Variants in SERPINC1 observed in about 807,000 individuals in gnomAD.
SERPINC1 encodes serpin family C member 1.
A neutral mutation model predicts 43.4 loss-of-function variants in SERPINC1; 12 were observed. The ratio of observed to expected loss-of-function variants is 0.28; its 90% CI spans 0.18 to 0.45. The LOEUF (loss-of-function observed/expected upper bound fraction) is 0.45, where lower values mean the gene tolerates loss of function less well. Ranked by LOEUF, SERPINC1 falls within the 20% of genes least tolerant of loss-of-function variation. The probability of loss-of-function intolerance (pLI) is 1.00; values close to 1 mark genes in which losing one functional copy is unlikely to be tolerated. For synonymous variants in SERPINC1, 210 were observed against 218.9 expected, an observed-to-expected ratio of 0.96 and a Z score of 0.36; for missense variants, 423 against 578.8, an observed-to-expected ratio of 0.73 and a Z score of 2.76.
At chr1:173,912,350 C>T (rs1026452782) in intron 2 of SERPINC1, among the ~76,000 whole-genome samples, 1 of 152,168 alleles carries the variant, frequency 6.6e-6, no homozygotes, top group Non-Finnish European at 1.5e-5. Flanking sequence ...AGGACGGTGT[C>T]CTTCTCGTAA....
chr1:173,909,529 A>C (rs1430439359), intron 5 of SERPINC1, 23 bp downstream of exon 5: 1 of 1,612,444 alleles, frequency 6.2e-7, no homozygotes, highest in Non-Finnish European at 8.5e-7. Flanking sequence ...TGGAGAAGGG[A>C]GGAAACTCCT....
intron 2 of SERPINC1, 83 bp from the exon 3 acceptor site, chr1:173,912,097 T>C (rs1248664182): frequency 2.1e-6 from 2 of 945,954 alleles, no homozygotes; most frequent in Non-Finnish European, 3.5e-6. Flanking sequence ...GGTCAGTCTC[T>C]GACTAATAGC....
intron 1 of SERPINC1, among the ~76,000 whole-genome samples, chr1:173,915,414 G>A (rs562879655): frequency 3.3e-5 from 5 of 152,260 alleles, no homozygotes; most frequent in South Asian, 2.1e-4. Flanking sequence ...GGTGGCTCAC[G>A]CCTGTAATCC....
At chr1:173,916,304 TCTC>T (rs1207551055) in intron 1 of SERPINC1, among the ~76,000 whole-genome samples, 3 of 152,136 alleles carry the variant, frequency 2.0e-5, no homozygotes. Flanking sequence ...CTTCCCATCT[TCTC>T]CTGGGAGAGA....
chr1:173,912,025 CAA>C lies in SERPINC1; in HGVS notation c.409-13_409-12del. On this transcript the variant is annotated splice_polypyrimidine_tract_variant and intron_variant, in intron 2 of 6. Transcript: ENST00000367698. The stretch of plus-strand genomic sequence containing the variant: ...GTCAAACTTAAATACCTATAGAAGT[CAA>C]AAAAAAATGGTGGTGGGTTTGGTGG... 2.6e-6 allele frequency: 4 copies of C among 1,565,012 alleles called. No individual in the cohort carries two copies. Among genetic ancestry groups the C allele is most frequent in the Non-Finnish European group, 2.6e-6 (3 of 1,143,528 alleles).
intron 6 of SERPINC1, among the ~76,000 whole-genome samples, chr1:173,904,290 T>A (rs1000332785): frequency 7.2e-5 from 11 of 152,200 alleles, no homozygotes; most frequent in African/African-American, 2.7e-4. Flanking sequence ...GTAATAAGTG[T>A]AAGAGTTCCA....
In SERPINC1 at chr1:173,910,059, CG is replaced by C. The variant is rs1391928455; in HGVS notation, c.763-118del. 4.0e-6 allele frequency: 4 copies of C among 1,010,338 alleles called. No homozygotes were observed. In the Admixed American group the frequency reaches 6.0e-5, roughly 15 times the overall value. The allele number at this position is 1,010,338 out of a possible 1,614,324, so 62.6% of individuals were successfully genotyped here. ...TATAATTATTCGGAAAAAAGACTGG[CG>C]GGATATGCACAAAAAGGTTAACAAT... is the stretch of plus-strand genomic sequence containing the variant. On this transcript the variant is annotated intron_variant, in intron 4 of 6. Coordinates refer to ENST00000367698, the MANE Select transcript of SERPINC1 (RefSeq NM_000488.4).
At chr1:173,904,317 A>G (rs994449150) in intron 6 of SERPINC1, among the ~76,000 whole-genome samples, 2 of 152,176 alleles carry the variant, frequency 1.3e-5, no homozygotes, top group Admixed American at 6.5e-5. Context: ...TAACCCAGAA[A>G]TCTGAATGTA....
rs538671325 is a variant in SERPINC1, at chr1:173,911,735, C to T, written c.624+64G>A. On this transcript the variant is annotated intron_variant, in intron 3 of 6. Coordinates refer to ENST00000367698, the MANE Select transcript of SERPINC1 (RefSeq NM_000488.4). Reference sequence around the variant, plus strand: ...AGTGTGAATTTGGATGCTGTTTCTCCACCTCCTCAATCTCTGAGTGGAGAG... The same window carrying T: ...AGTGTGAATTTGGATGCTGTTTCTCTACCTCCTCAATCTCTGAGTGGAGAG... 1.0e-4 allele frequency: 134 copies of T among 1,316,730 alleles called. No homozygotes were observed. The African/African-American group carries it at 1.8e-3, about 18-fold the overall frequency. 81.6% of individuals were successfully genotyped at this position (1,316,730 alleles called of 1,614,324 possible). A position where few individuals can be genotyped will look rare whatever the true frequency, so the allele number is the denominator to read the frequency against.
chr1:173,909,985 G>T, intron 4 of SERPINC1, 43 bp from the exon 5 acceptor site: 1 of 1,596,858 alleles, frequency 6.3e-7, no homozygotes, highest in Non-Finnish European at 8.6e-7. Flanking sequence ...ATTCATAGGA[G>T]GATAGTTATT....
At position 173,905,479 on chromosome 1, in the gene SERPINC1, G is replaced by A. The variant is rs966683733; in HGVS notation, c.1219-1414C>T. Among the ~76,000 whole-genome samples, 5 of 152,116 alleles carry A rather than the reference G, an allele frequency of 3.3e-5. No homozygotes were observed. The South Asian group carries it at 1.0e-3, about 31-fold the overall frequency. ...TCATGCCTGTAATCCCAGCACTTTG[G>A]GAGGCCGAGTCAGGTGGATCACTTA... On this transcript the variant is annotated intron_variant, in intron 6 of 6. Transcript: ENST00000367698.
chr1:173,907,431 G>C lies in SERPINC1; in HGVS notation c.1218+19C>G, dbSNP rs764313616. ...CATCTCCTTTCTGTACCCTAAGAGA[G>C]TGGGGAAGGTGTACTCACCTCAAGA... On this transcript the variant is annotated intron_variant, in intron 6 of 6. Transcript: ENST00000367698. 4.4e-6 allele frequency: 7 copies of C among 1,581,790 alleles called. No individual in the cohort carries two copies. Among genetic ancestry groups the C allele is most frequent in the Non-Finnish European group, 6.1e-6 (7 of 1,150,522 alleles).
chr1:173,904,108 C>A, intron 6 of SERPINC1, 43 bp from the exon 7 acceptor site: 1 of 1,596,974 alleles, frequency 6.3e-7, no homozygotes, highest in South Asian at 1.1e-5. Flanking sequence ...GCCACTCTGC[C>A]GTTCATTTTT....
chr1:173,906,454 G>A (rs768621314), intron 6 of SERPINC1, among the ~76,000 whole-genome samples: 61 of 152,164 alleles, frequency 4.0e-4, no homozygotes, highest in Non-Finnish European at 2.5e-4. Context: ...GCATTTATTT[G>A]ACCACCTTTT....
rs1657710482 is a variant in SERPINC1 at position 173,910,220 on chromosome 1, TAAG to T, written c.763-281_763-279del. ...GACCAAATGTAATGCTATTCCATGC[TAAG>T]AAGAAATGAGTGACAAAGCCACGAA... On this transcript the variant is annotated intron_variant, in intron 4 of 6. Transcript: ENST00000367698. Among the ~76,000 whole-genome samples the T allele has an allele frequency of 3.3e-5, 5 of 152,204 alleles. No homozygotes were observed. The South Asian group carries it at 8.3e-4, about 25-fold the overall frequency.
At position 173,914,581 on chromosome 1, in the gene SERPINC1, C is replaced by T. The variant is rs1657908172; in HGVS notation, c.380G>A (p.Cys127Tyr). The T allele has an allele frequency of 6.2e-7, 1 of 1,614,040 alleles. No homozygotes were observed. The highest frequency in any genetic ancestry group is 8.5e-7 in the Non-Finnish European group (1 of 1,180,042). ...CATCAGTTGCTGGAGGGTGTCATTACAGGCACCCAGCTTGGTCATAGCAAA... is the reference window on the plus strand; with the variant it reads ...CATCAGTTGCTGGAGGGTGTCATTATAGGCACCCAGCTTGGTCATAGCAAA... ...TAFAMTKLGACNDTLQQLMEV... is the reference protein window; with the variant it reads ...TAFAMTKLGAYNDTLQQLMEV... Residue 127 changes from cysteine (C) to tyrosine (Y), a missense_variant, in exon 2 of 7, where the codon TGT becomes TAT. Transcript: ENST00000367698.
In SERPINC1 at chr1:173,916,716, A is replaced by AGT. The variant is rs557242809; in HGVS notation, c.41+501_41+502dup. Among the ~76,000 whole-genome samples the AGT allele has an allele frequency of 2.9e-3, 436 of 151,956 alleles. 1 individual carries two copies. Among genetic ancestry groups the AGT allele is most frequent in the African/African-American group, 9.7e-3 (402 of 41,478 alleles). On this transcript the variant is annotated intron_variant, in intron 1 of 6. Transcript: ENST00000367698. Reference sequence around the variant, plus strand: ...CTGTGACAACTCAGATGAAGAAGGGAGTGTGTGTGGCATTGAGGGAGGGAC... The same window carrying AGT: ...CTGTGACAACTCAGATGAAGAAGGGAGTGTGTGTGTGGCATTGAGGGAGGGAC...
At position 173,906,673 on chromosome 1, in the gene SERPINC1, G is replaced by A. The variant is rs374256345; in HGVS notation, c.1218+777C>T. On this transcript the variant is annotated intron_variant, in intron 6 of 6. Coordinates refer to ENST00000367698, the MANE Select transcript of SERPINC1 (RefSeq NM_000488.4). ...TTTTAAGATTTTTTTGGTAGAGACA[G>A]GGTCTCACTATGTTGCTCAGGCTGG... Among the ~76,000 whole-genome samples the A allele has an allele frequency of 2.7e-4, 41 of 151,526 alleles. No individual in the cohort carries two copies. In the Middle Eastern group the frequency reaches 0.01, roughly 38 times the overall value.
rs369828221 is a variant in SERPINC1 at position 173,914,902 on chromosome 1, G to A, written c.59C>T (p.Ser20Phe). ...GTCCCAGAAGCCAATGAGCAGCAAG[G>A]ACAAAAGATAAACCTTCCTGCAAGG... Reference protein sequence around the residue: ...TSGKRKVYLLSLLLIGFWDCV... With the variant: ...TSGKRKVYLLFLLLIGFWDCV... Residue 20 changes from serine (S) to phenylalanine (F), a missense_variant, in exon 2 of 7, where the codon TCC becomes TTC. Transcript: ENST00000367698. The A allele has an allele frequency of 1.2e-6, 2 of 1,613,802 alleles. No individual in the cohort carries two copies. The highest frequency in any genetic ancestry group is 2.7e-5 in the African/African-American group (2 of 74,936).
Sources: gnomAD v4.1 joint callset for allele counts (sites outside exome capture counted in the v4.1 genomes callset) on GRCh38, gnomAD v4.1.1 for gene constraint, MANE v1.5 for transcripts, NCBI Gene and HGNC (gene_info 2026-07-23, HGNC 2026-07-21) for gene names.